NXPH1: variants seen among roughly 807,000 people sequenced by gnomAD.
NXPH1 encodes neurexophilin 1.
Under a neutral mutation model 23.7 loss-of-function variants are expected in NXPH1, and 5 were observed. The observed-to-expected ratio is 0.21, with a 90% confidence interval of 0.11 to 0.44. NXPH1 has a LOEUF of 0.44. Ranked by LOEUF, NXPH1 falls within the 20% of genes least tolerant of loss-of-function variation. The pLI is 0.99. For missense variants in NXPH1, 324 were observed against 321.6 expected (o/e 1.01, Z -0.06); for synonymous variants, 144 against 122.2 (o/e 1.18, Z -1.18).
In NXPH1 at chr7:8,751,850, A is replaced by G; in HGVS notation, c.*81A>G. 23 of 1,336,524 alleles carry G rather than the reference A, an allele frequency of 1.7e-5. No homozygotes were observed. Among genetic ancestry groups the G allele is most frequent in the Non-Finnish European group, 2.3e-5 (23 of 995,522 alleles). 82.8% of individuals were successfully genotyped at this position (1,336,524 alleles called of 1,614,324 possible). A position where few individuals can be genotyped will look rare whatever the true frequency, so the allele number is the denominator to read the frequency against. On this transcript the variant is annotated 3_prime_UTR_variant, in exon 3 of 3. Coordinates refer to ENST00000405863, the MANE Select transcript of NXPH1 (RefSeq NM_152745.3). The surrounding 1 kb of genome is among the most constrained non-coding windows in gnomAD (Gnocchi z 4.5). ...CTGTTACCTCAAAGAAGAAGGTCAC[A>G]TCTGTTGCCTGGAATGTGTCTACAC...
intron 2 of NXPH1, among the ~76,000 whole-genome samples, chr7:8,730,879 C>T (rs1382541447): frequency 2.4e-4 from 36 of 151,240 alleles, no homozygotes; most frequent in Non-Finnish European, 3.1e-4. Context: ...TGAATCTGAA[C>T]GTTGGCCTGC....
At chr7:8,538,753 C>A (rs1358147185) in intron 2 of NXPH1, among the ~76,000 whole-genome samples, 1 of 151,808 alleles carries the variant, frequency 6.6e-6, no homozygotes, top group African/African-American at 2.4e-5. Context: ...AAAAATATAT[C>A]AATTCAAATG....
chr7:8,656,525 T>TCC (rs201755999), intron 2 of NXPH1, among the ~76,000 whole-genome samples: 8 of 147,352 alleles, frequency 5.4e-5, no homozygotes, highest in African/African-American at 1.8e-4. Flanking sequence ...TTTTTTTTTT[T>TCC]CAGAGGGTGG....
intron 2 of NXPH1, among the ~76,000 whole-genome samples, chr7:8,709,936 G>T (rs1779761441): frequency 1.3e-5 from 2 of 152,092 alleles, no homozygotes; most frequent in South Asian, 4.1e-4. Flanking sequence ...ACCAATAGTG[G>T]CTGAATAATT....
intron 2 of NXPH1, among the ~76,000 whole-genome samples, chr7:8,585,590 T>C (rs974908624): frequency 6.6e-6 from 1 of 152,242 alleles, no homozygotes; most frequent in Non-Finnish European, 1.5e-5. Flanking sequence ...TCTAAGAGTC[T>C]TAAATATGTT....
At chr7:8,533,694 C>A (rs975724255) in intron 2 of NXPH1, among the ~76,000 whole-genome samples, 1 of 152,056 alleles carries the variant, frequency 6.6e-6, no homozygotes, top group East Asian at 1.9e-4. Context: ...GAAAGAAATT[C>A]TTTCTGTAAA....
At chr7:8,715,283 C>T (rs1235894236) in intron 2 of NXPH1, among the ~76,000 whole-genome samples, 2 of 152,114 alleles carry the variant, frequency 1.3e-5, no homozygotes, top group Middle Eastern at 3.2e-3. Flanking sequence ...CTCTCCATAC[C>T]ACATGGCGAA....
intron 2 of NXPH1, among the ~76,000 whole-genome samples, chr7:8,453,952 C>G (rs1002071766): frequency 6.6e-6 from 1 of 152,044 alleles, no homozygotes; most frequent in African/African-American, 2.4e-5. Flanking sequence ...AATGACATTG[C>G]TGGGTTAAAT....
At chr7:8,576,686 A>G (rs1397295661) in intron 2 of NXPH1, among the ~76,000 whole-genome samples, 5 of 152,080 alleles carry the variant, frequency 3.3e-5, no homozygotes, top group Admixed American at 6.6e-5. Context: ...GAAAAAAAGG[A>G]TCTAGGAGAT....
At position 8,718,939 on chromosome 7, in the gene NXPH1, C is replaced by G. The variant is rs1380447186; in HGVS notation, c.55-32069C>G. 2.0e-5 allele frequency among the ~76,000 whole-genome samples: 3 copies of G among 152,274 alleles called. No individual in the cohort carries two copies. The East Asian group carries it at 5.8e-4, about 29-fold the overall frequency. ...AGGGTACAGTCTGCAACACAGAATGCTTTGGCACTCATATGCCATCAACCC... is the reference window on the plus strand; with the variant it reads ...AGGGTACAGTCTGCAACACAGAATGGTTTGGCACTCATATGCCATCAACCC... On this transcript the variant is annotated intron_variant, in intron 2 of 2. Transcript: ENST00000405863.
chr7:8,616,868 C>A (rs112258134), intron 2 of NXPH1, among the ~76,000 whole-genome samples: 37 of 138,626 alleles, frequency 2.7e-4, no homozygotes, highest in South Asian at 1.1e-3. Context: ...AAAAAAAAAA[C>A]CACTCTGGCT....
At chr7:8,634,014 G>C (rs1352771176) in intron 2 of NXPH1, among the ~76,000 whole-genome samples, 1 of 152,092 alleles carries the variant, frequency 6.6e-6, no homozygotes, top group Non-Finnish European at 1.5e-5. Context: ...TTCCATTATA[G>C]GGTAATTCTG....
chr7:8,500,259 A>T (rs1455397764), intron 2 of NXPH1, among the ~76,000 whole-genome samples: 1 of 152,068 alleles, frequency 6.6e-6, no homozygotes, highest in Non-Finnish European at 1.5e-5. Context: ...AGCATCAATT[A>T]CCTTTTGTCT....
At chr7:8,706,674 G>A (rs1779711945) in intron 2 of NXPH1, among the ~76,000 whole-genome samples, 1 of 152,138 alleles carries the variant, frequency 6.6e-6, no homozygotes, top group African/African-American at 2.4e-5. Flanking sequence ...GGCCATGGAA[G>A]CAAAACTAGA....
At position 8,675,886 on chromosome 7, in the gene NXPH1, C is replaced by T. The variant is rs541938205; in HGVS notation, c.55-75122C>T. On this transcript the variant is annotated intron_variant, in intron 2 of 2. Transcript: ENST00000405863. ...AATTAGTCAATTCAACTGCTAATCA[C>T]GGACACCCATTTCCATCTAGCCTTC... Among the ~76,000 whole-genome samples, 11 of 152,256 alleles carry T rather than the reference C, an allele frequency of 7.2e-5. No individual in the cohort carries two copies. The East Asian group carries it at 9.7e-4, about 13-fold the overall frequency.
intron 2 of NXPH1, among the ~76,000 whole-genome samples, chr7:8,620,423 C>T (rs1819841682): frequency 6.6e-6 from 1 of 152,174 alleles, no homozygotes; most frequent in Admixed American, 6.5e-5. Context: ...TGTGCTGCCT[C>T]TTCTTGTCAT....
At chr7:8,745,400 T>G (rs917740341) in intron 2 of NXPH1, among the ~76,000 whole-genome samples, 1 of 123,956 alleles carries the variant, frequency 8.1e-6, no homozygotes, top group African/African-American at 3.2e-5. Flanking sequence ...GTAAAAAAGT[T>G]GAACTCATAA....
chr7:8,663,210 G>A (rs10952124), intron 2 of NXPH1, among the ~76,000 whole-genome samples: 95,938 of 151,398 alleles, frequency 0.63, 31,267 homozygotes, highest in Middle Eastern at 0.76. Context: ...GCAAAAAGAA[G>A]GAGATTGGTA....
Position 8,485,044 on chromosome 7 carries a change from CAG to C in NXPH1, c.54+49278_54+49279del, listed in dbSNP as rs570686229. Among the ~76,000 whole-genome samples the C allele has an allele frequency of 2.4e-3, 360 of 152,244 alleles. 2 individuals are homozygous for C. Among genetic ancestry groups the C allele is most frequent in the African/African-American group, 8.3e-3 (343 of 41,532 alleles). On this transcript the variant is annotated intron_variant, in intron 2 of 2. Coordinates refer to ENST00000405863, the MANE Select transcript of NXPH1 (RefSeq NM_152745.3). ...CCATGTGTTGAATTCCCATCAGCCA[CAG>C]GGAACAAAATGGCATTATGCCTCTT...
Sources: allele counts gnomAD v4.1 joint callset (sites outside exome capture counted in the v4.1 genomes callset), GRCh38; gene constraint gnomAD v4.1.1; non-coding constraint Gnocchi (gnomAD v3.1); transcripts MANE v1.5; gene names NCBI Gene and HGNC (gene_info 2026-07-23, HGNC 2026-07-21).